XIRP2: variants seen among roughly 807,000 people sequenced by gnomAD.
The protein encoded by XIRP2 is xin actin-binding repeat-containing protein 2.
XIRP2 carries 236 observed loss-of-function variants against 277.0 expected under a neutral mutation model. That is an observed-to-expected ratio of 0.85 (90% CI 0.77 to 0.95). XIRP2 has a LOEUF of 0.95. XIRP2 is among the 40% of genes least tolerant of loss of function. The probability of loss-of-function intolerance (pLI) is 0.00; values close to 1 mark genes in which losing one functional copy is unlikely to be tolerated. For missense variants in XIRP2, 4,640 were observed against 4,157.5 expected (o/e 1.12, Z -3.19); for synonymous variants, 1,490 against 1,416.5 (o/e 1.05, Z -1.17).
rs192572893 is a variant in XIRP2, at chr2:166,970,055, G to T, written c.408+66165G>T. ...CCAATCTGCCCACATAATGTGAAAT[G>T]TTTATGGACAACATGAACCAGAATC... On this transcript the variant is annotated intron_variant, in intron 2 of 10. Coordinates refer to ENST00000409195, the MANE Select transcript of XIRP2 (RefSeq NM_152381.6). Among the ~76,000 whole-genome samples, 11 of 152,156 alleles carry T rather than the reference G, an allele frequency of 7.2e-5. No individual in the cohort carries two copies. In the East Asian group the frequency reaches 2.1e-3, roughly 30 times the overall value.
chr2:167,086,406 T>C (rs1363090893), intron 2 of XIRP2, among the ~76,000 whole-genome samples: 2 of 152,164 alleles, frequency 1.3e-5, no homozygotes, highest in Non-Finnish European at 2.9e-5. Context: ...TTGGTGAATC[T>C]GACAATTATG....
At chr2:167,142,695 T>TATC (rs1433911059) in intron 3 of XIRP2, among the ~76,000 whole-genome samples, 1 of 152,220 alleles carries the variant, frequency 6.6e-6, no homozygotes, top group Non-Finnish European at 1.5e-5. Flanking sequence ...TGACTCCATG[T>TATC]ATCTATTCAG....
At chr2:167,239,112 T>A (rs1442261744) in intron 5 of XIRP2, among the ~76,000 whole-genome samples, 1 of 152,210 alleles carries the variant, frequency 6.6e-6, no homozygotes, top group Non-Finnish European at 1.5e-5. Flanking sequence ...GAACTCTGGA[T>A]ATGTCATTGT....
At chr2:166,938,917 C>A (rs1005484059) in intron 2 of XIRP2, among the ~76,000 whole-genome samples, 1 of 152,136 alleles carries the variant, frequency 6.6e-6, no homozygotes, top group Non-Finnish European at 1.5e-5. Flanking sequence ...ATTGCAACCC[C>A]TGCCTTTTTA....
chr2:167,198,012 A>G (rs1023081588), intron 3 of XIRP2, among the ~76,000 whole-genome samples: 5 of 152,248 alleles, frequency 3.3e-5, no homozygotes, highest in African/African-American at 4.8e-5. Context: ...CATGTATGGT[A>G]CATTTATAGC....
intron 2 of XIRP2, among the ~76,000 whole-genome samples, chr2:166,915,777 G>C (rs990565023): frequency 6.6e-6 from 1 of 152,114 alleles, no homozygotes; most frequent in East Asian, 1.9e-4. Flanking sequence ...GCACACTTAT[G>C]ATCTTCCCCC....
intron 2 of XIRP2, among the ~76,000 whole-genome samples, chr2:166,971,880 C>T (rs1227574121): frequency 1.3e-5 from 2 of 151,944 alleles, no homozygotes; most frequent in Non-Finnish European, 2.9e-5. Context: ...AAAGTAGTGC[C>T]CATGATTACC....
At position 167,209,648 on chromosome 2, in the gene XIRP2, A is replaced by T. The variant is rs114841286; in HGVS notation, c.563-1087A>T. Among the ~76,000 whole-genome samples, 509 of 152,190 alleles carry T rather than the reference A, an allele frequency of 3.3e-3. 1 individual carries two copies. Among genetic ancestry groups the T allele is most frequent in the Admixed American group, 5.9e-3 (90 of 15,276 alleles). On this transcript the variant is annotated intron_variant, in intron 3 of 10. Transcript: ENST00000409195. The stretch of plus-strand genomic sequence containing the variant: ...CTCATATACAAAAGCACATGTATAC[A>T]TACCTATAACATGCCCTTGAAATGA...
At chr2:167,104,361 C>A (rs567505035) in intron 2 of XIRP2, among the ~76,000 whole-genome samples, 23 of 152,144 alleles carry the variant, frequency 1.5e-4, no homozygotes, top group African/African-American at 5.1e-4. Flanking sequence ...GTACTTCCAC[C>A]AACCCATCAT....
chr2:166,915,317 A>AG (rs1406960525), intron 2 of XIRP2, among the ~76,000 whole-genome samples: 2 of 151,022 alleles, frequency 1.3e-5, no homozygotes, highest in Non-Finnish European at 3.0e-5. Flanking sequence ...AAAAAAAAAA[A>AG]AAAAAGAAAA....
Position 167,155,756 on chromosome 2 carries a change from G to T in XIRP2, c.562+19694G>T, listed in dbSNP as rs538325545. Among the ~76,000 whole-genome samples the T allele has an allele frequency of 4.6e-3, 701 of 151,934 alleles. 4 individuals are homozygous for T. The highest frequency in any genetic ancestry group is 0.013 in the South Asian group (62 of 4,774). On this transcript the variant is annotated intron_variant, in intron 3 of 10. Transcript: ENST00000409195. Reference sequence around the variant, plus strand: ...TGGAAGGTCTGGCCAGGGCAATTAGGCAGGAGAAGGAAATAAAGGGTATTG... The same window carrying T: ...TGGAAGGTCTGGCCAGGGCAATTAGTCAGGAGAAGGAAATAAAGGGTATTG...
chr2:167,071,362 G>A (rs185021312), intron 2 of XIRP2, among the ~76,000 whole-genome samples: 2,162 of 151,764 alleles, frequency 0.014, 59 homozygotes, highest in African/African-American at 0.05. Flanking sequence ...AAAAAAATGC[G>A]TTATTAAAAA....
chr2:167,086,997 C>G (rs1319923129), intron 2 of XIRP2, among the ~76,000 whole-genome samples: 1 of 151,918 alleles, frequency 6.6e-6, no homozygotes, highest in Non-Finnish European at 1.5e-5. Flanking sequence ...GAACTGCGTT[C>G]CTTTGGAGGA....
At chr2:167,093,009 T>A (rs937887634) in intron 2 of XIRP2, among the ~76,000 whole-genome samples, 9 of 152,274 alleles carry the variant, frequency 5.9e-5, no homozygotes, top group African/African-American at 2.2e-4. Flanking sequence ...GATGTTGAAG[T>A]AAACCATATT....
At chr2:167,024,083 C>T (rs1287239690) in intron 2 of XIRP2, among the ~76,000 whole-genome samples, 1 of 150,932 alleles carries the variant, frequency 6.6e-6, no homozygotes, top group Non-Finnish European at 1.5e-5. Context: ...TCTTCCTACC[C>T]ATGAGCATGG....
intron 3 of XIRP2, among the ~76,000 whole-genome samples, chr2:167,154,545 T>C (rs1692124588): frequency 6.6e-6 from 1 of 151,990 alleles, no homozygotes; most frequent in Non-Finnish European, 1.5e-5. Context: ...GTTTTAGGTC[T>C]AACATTTAAG....
At chr2:167,189,350 A>G (rs1693257142) in intron 3 of XIRP2, among the ~76,000 whole-genome samples, 1 of 152,174 alleles carries the variant, frequency 6.6e-6, no homozygotes, top group South Asian at 2.1e-4. Context: ...AGTCATGTCT[A>G]GATTTATTAA....
At chr2:167,011,238 T>C (rs1687670885) in intron 2 of XIRP2, among the ~76,000 whole-genome samples, 1 of 151,720 alleles carries the variant, frequency 6.6e-6, no homozygotes, top group Non-Finnish European at 1.5e-5. Flanking sequence ...TATTTTGAGA[T>C]ACATCCCATC....
Position 167,258,238 on chromosome 2 carries a change from A to AAATGACAGG in XIRP2, c.*421_*422insAATGACAGG. The AAATGACAGG allele has an allele frequency of 6.2e-7, 1 of 1,613,118 alleles. No homozygotes were observed. Among genetic ancestry groups the AAATGACAGG allele is most frequent in the Non-Finnish European group, 8.5e-7 (1 of 1,179,570 alleles). ...TCAAAATGAGTAAACCTAAGTGGCC[A>AAATGACAGG]CCTGAAATGACAACCCTGCTATCCC... On this transcript the variant is annotated 3_prime_UTR_variant, in exon 11 of 11. Coordinates refer to ENST00000409195, the MANE Select transcript of XIRP2 (RefSeq NM_152381.6).
Sources: gnomAD v4.1 joint callset for allele counts (sites outside exome capture counted in the v4.1 genomes callset) on GRCh38, gnomAD v4.1.1 for gene constraint, MANE v1.5 for transcripts, NCBI Gene and HGNC (gene_info 2026-07-23, HGNC 2026-07-21) for gene names.